XPO4: variants seen among roughly 807,000 people sequenced by gnomAD.
XPO4 encodes the protein exportin-4.
XPO4 carries 39 observed loss-of-function variants against 143.0 expected under a neutral mutation model. That is an observed-to-expected ratio of 0.27 (90% CI 0.21 to 0.36). The LOEUF (loss-of-function observed/expected upper bound fraction) is 0.36, where lower values mean the gene tolerates loss of function less well. Ranked by LOEUF, XPO4 falls within the 10% of genes least tolerant of loss-of-function variation. The pLI is 1.00. For missense variants in XPO4, 907 were observed against 1,348.0 expected, an observed-to-expected ratio of 0.67 and a Z score of 5.12; for synonymous variants, 439 against 474.0, an observed-to-expected ratio of 0.93 and a Z score of 0.96.
intron 4 of XPO4, chr13:20,850,819 A>G (rs529915121): frequency 3.0e-6 from 3 of 985,306 alleles, no homozygotes; most frequent in Non-Finnish European, 3.6e-6. Flanking sequence ...GAAGGGGGAA[A>G]AGCCAGACTA....
chr13:20,825,119 T>C (rs2059768197), intron 7 of XPO4, among the ~76,000 whole-genome samples: 1 of 152,120 alleles, frequency 6.6e-6, no homozygotes, highest in South Asian at 2.1e-4. Flanking sequence ...AAGAAGACTC[T>C]GGTCAAAAAG....
chr13:20,795,972 T>C (rs1187261698), intron 18 of XPO4, 104 bp downstream of exon 18: 14 of 1,239,678 alleles, frequency 1.1e-5, no homozygotes, highest in Non-Finnish European at 1.6e-5. Context: ...ATTTATTCCA[T>C]AAATTGAATT....
chr13:20,824,354 G>A (rs1199637071), intron 7 of XPO4, among the ~76,000 whole-genome samples: 1 of 152,116 alleles, frequency 6.6e-6, no homozygotes, highest in Non-Finnish European at 1.5e-5. Flanking sequence ...GATATATTCT[G>A]TCAACAGATA....
chr13:20,807,135 C>T (rs927660196), intron 13 of XPO4, among the ~76,000 whole-genome samples: 3 of 152,180 alleles, frequency 2.0e-5, no homozygotes, highest in African/African-American at 7.2e-5. Context: ...AGGGCGCCTG[C>T]ATGCATCAGT....
intron 9 of XPO4, among the ~76,000 whole-genome samples, chr13:20,819,561 G>A (rs537703095): frequency 6.6e-6 from 1 of 152,176 alleles, no homozygotes; most frequent in African/African-American, 2.4e-5. Context: ...TCGGGAGGCT[G>A]ATGCAGAAGA....
At chr13:20,792,815 C>T (rs990600315) in intron 18 of XPO4, among the ~76,000 whole-genome samples, 5 of 151,182 alleles carry the variant, frequency 3.3e-5, no homozygotes, top group South Asian at 4.2e-4. Flanking sequence ...GCTGGAGTTC[C>T]GCTCTTGTTG....
intron 20 of XPO4, 69 bp from the exon 21 acceptor site, chr13:20,787,667 G>C: frequency 1.5e-6 from 2 of 1,337,542 alleles, no homozygotes; most frequent in Non-Finnish European, 2.1e-6. Context: ...AAAAATTATA[G>C]CTAGTATTAA....
intron 13 of XPO4, among the ~76,000 whole-genome samples, chr13:20,802,950 A>C (rs1417027136): frequency 6.6e-6 from 1 of 152,166 alleles, no homozygotes; most frequent in Admixed American, 6.5e-5. Context: ...TGCATCTCTT[A>C]ATGTGATTAA....
chr13:20,806,382 A>G (rs1201747007), intron 13 of XPO4, among the ~76,000 whole-genome samples: 1 of 152,104 alleles, frequency 6.6e-6, no homozygotes, highest in East Asian at 1.9e-4. Context: ...TACTAAAAAG[A>G]ATGAAGGGGA....
intron 1 of XPO4, among the ~76,000 whole-genome samples, chr13:20,893,875 C>T (rs1271749755): frequency 1.3e-5 from 2 of 152,066 alleles, no homozygotes; most frequent in Admixed American, 6.6e-5. Context: ...ACAGAGTTCG[C>T]TCTTGTTGCC....
chr13:20,892,240 C>A (rs1488105116), intron 1 of XPO4, among the ~76,000 whole-genome samples: 1 of 152,098 alleles, frequency 6.6e-6, no homozygotes, highest in Non-Finnish European at 1.5e-5. Flanking sequence ...ACATGCACCA[C>A]CATGCCTGGC....
chr13:20,822,027 C>G (rs1595095096), intron 8 of XPO4, 105 bp downstream of exon 8: 1 of 1,430,096 alleles, frequency 7.0e-7, no homozygotes, highest in East Asian at 2.4e-5. Flanking sequence ...TATGACTTTA[C>G]TTCAAAATAT....
intron 9 of XPO4, among the ~76,000 whole-genome samples, chr13:20,811,281 CTTT>C (rs1284828034): frequency 6.7e-6 from 1 of 148,846 alleles, no homozygotes; most frequent in Non-Finnish European, 1.5e-5. Context: ...AGATAGAATG[CTTT>C]TTTCTTTTTT....
intron 1 of XPO4, among the ~76,000 whole-genome samples, chr13:20,875,616 T>TTTCCTTTCC (rs2060343382): frequency 6.6e-6 from 1 of 152,218 alleles, no homozygotes. Flanking sequence ...CTTCTTTGTC[T>TTTCCTTTCC]TTCCTTTCCT....
chr13:20,799,221 C>T lies in XPO4; in HGVS notation c.2266G>A (p.Val756Ile), dbSNP rs766286326. 6 of 1,613,430 alleles carry T rather than the reference C, an allele frequency of 3.7e-6. No homozygotes were observed. Among genetic ancestry groups the T allele is most frequent in the Non-Finnish European group, 4.2e-6 (5 of 1,179,506 alleles). Residue 756 changes from valine to isoleucine, a missense_variant, in exon 16 of 23, where the codon GTC becomes ATC. By Grantham distance (29) the Val-to-Ile change is conservative. Transcript: ENST00000255305. ...PVQRTLMKAL[V>I]LGGFAHMDTE... The stretch of plus-strand genomic sequence containing the variant: ...TCCATATGTGCAAAACCTCCTAAGA[C>T]TAGAGCCTTCATCAATGTCCTCTGC...
intron 18 of XPO4, among the ~76,000 whole-genome samples, chr13:20,793,014 T>C (rs1158492302): frequency 6.6e-6 from 1 of 152,110 alleles, no homozygotes; most frequent in Non-Finnish European, 1.5e-5. Flanking sequence ...AGTCTCAAAC[T>C]CTTGACCTTA....
At chr13:20,890,788 G>A (rs1255968083) in intron 1 of XPO4, among the ~76,000 whole-genome samples, 4 of 112,560 alleles carry the variant, frequency 3.6e-5, no homozygotes, top group African/African-American at 1.1e-4. Context: ...AACAGAATGA[G>A]ACCCTGCCTC....
chr13:20,784,546 A>C (rs967481017), intron 22 of XPO4, among the ~76,000 whole-genome samples: 11 of 152,292 alleles, frequency 7.2e-5, no homozygotes, highest in Admixed American at 1.3e-4. Context: ...GGAATATGGG[A>C]AATTTTCTGT....
chr13:20,893,666 G>A (rs1490909687), intron 1 of XPO4, among the ~76,000 whole-genome samples: 1 of 151,658 alleles, frequency 6.6e-6, no homozygotes, highest in Non-Finnish European at 1.5e-5. Context: ...CAAGTCAGGA[G>A]AATTGCTTGA....
Sources: gnomAD v4.1 joint callset for allele counts (sites outside exome capture counted in the v4.1 genomes callset) on GRCh38, gnomAD v4.1.1 for gene constraint, MANE v1.5 for transcripts, NCBI Gene and HGNC (gene_info 2026-07-23, HGNC 2026-07-21) for gene names.